RASA1: variants seen among roughly 807,000 people sequenced by gnomAD.
RASA1 encodes the protein RAS p21 protein activator 1.
A neutral mutation model predicts 132.2 loss-of-function variants in RASA1; 25 were observed. The observed-to-expected ratio is 0.19, with a 90% confidence interval of 0.14 to 0.26. The LOEUF (loss-of-function observed/expected upper bound fraction) is 0.26, where lower values mean the gene tolerates loss of function less well. RASA1 is among the 10% of genes least tolerant of loss of function. The pLI, the probability that RASA1 is intolerant of heterozygous loss-of-function variation, is 1.00. For missense variants in RASA1, 964 were observed against 1,299.2 expected (o/e 0.74, Z 3.97); for synonymous variants, 477 against 449.9 (o/e 1.06, Z -0.76).
chr5:87,271,873 G>C (rs968932992), intron 1 of RASA1, among the ~76,000 whole-genome samples: 1 of 152,020 alleles, frequency 6.6e-6, no homozygotes, highest in Non-Finnish European at 1.5e-5. Context: ...ACACGATTGG[G>C]CTGGGGGTGG....
chr5:87,285,618 CTTTTTTTTTT>C (rs548410947), intron 1 of RASA1, among the ~76,000 whole-genome samples: 2 of 126,074 alleles, frequency 1.6e-5, no homozygotes, highest in Non-Finnish European at 3.4e-5. Context: ...TTTTCTTTTT[CTTTTTTTTTT>C]TTTTTTTGAG....
At chr5:87,272,422 T>TTGTC (rs1753887128) in intron 1 of RASA1, among the ~76,000 whole-genome samples, 1 of 152,128 alleles carries the variant, frequency 6.6e-6, no homozygotes, top group African/African-American at 2.4e-5. Context: ...GATTCTGAAG[T>TTGTC]TAGACAAGAT....
At chr5:87,375,546 T>C (rs1352268688) in intron 15 of RASA1, among the ~76,000 whole-genome samples, 4 of 152,120 alleles carry the variant, frequency 2.6e-5, no homozygotes, top group African/African-American at 9.7e-5. Context: ...CATTACCATA[T>C]AAGTAAAAAA....
intron 1 of RASA1, among the ~76,000 whole-genome samples, chr5:87,311,294 T>C (rs1227243494): frequency 6.6e-6 from 1 of 152,164 alleles, no homozygotes; most frequent in Non-Finnish European, 1.5e-5. Flanking sequence ...TCAGGCGATA[T>C]TTAAATTTTC....
chr5:87,336,174 A>G (rs1757959927), intron 4 of RASA1, among the ~76,000 whole-genome samples: 1 of 152,206 alleles, frequency 6.6e-6, no homozygotes, highest in African/African-American at 2.4e-5. Context: ...CAAAATTATA[A>G]AACAGTGATA....
intron 11 of RASA1, 111 bp from the exon 12 acceptor site, chr5:87,369,702 T>C (rs1179886940): frequency 1.3e-6 from 1 of 764,678 alleles, no homozygotes; most frequent in Non-Finnish European, 2.2e-6. Flanking sequence ...ATTATTTCTT[T>C]AAGAATTATA....
At chr5:87,384,461 G>A (rs1761933342) in intron 21 of RASA1, among the ~76,000 whole-genome samples, 1 of 152,048 alleles carries the variant, frequency 6.6e-6, no homozygotes, top group African/African-American at 2.4e-5. Context: ...GCTCAAAATT[G>A]TACTAAAAAT....
chr5:87,363,271 T>C, intron 10 of RASA1, 77 bp from the exon 11 acceptor site: 2 of 1,304,400 alleles, frequency 1.5e-6, no homozygotes, highest in East Asian at 2.4e-5. Flanking sequence ...TTCATATTTT[T>C]AGAAACACTA....
intron 9 of RASA1, among the ~76,000 whole-genome samples, chr5:87,354,135 TG>T (rs1375299321): frequency 3.4e-5 from 5 of 148,992 alleles, no homozygotes; most frequent in African/African-American, 2.5e-5. Flanking sequence ...AGTTAATTGG[TG>T]GGGGGTGGGG....
chr5:87,277,128 G>A (rs1318433766), intron 1 of RASA1, among the ~76,000 whole-genome samples: 1 of 152,032 alleles, frequency 6.6e-6, no homozygotes, highest in Non-Finnish European at 1.5e-5. Flanking sequence ...AGTGAGAATG[G>A]GCATCATCCT....
intron 1 of RASA1, among the ~76,000 whole-genome samples, chr5:87,279,787 A>G (rs1388597378): frequency 6.6e-6 from 1 of 152,266 alleles, no homozygotes; most frequent in Non-Finnish European, 1.5e-5. Flanking sequence ...TCAATAAGAT[A>G]CATGCATATA....
At chr5:87,291,651 T>C (rs959103988) in intron 1 of RASA1, among the ~76,000 whole-genome samples, 7 of 152,184 alleles carry the variant, frequency 4.6e-5, no homozygotes, top group South Asian at 2.1e-4. Context: ...CTTCCTGATA[T>C]TGAGTTTGTT....
intron 1 of RASA1, chr5:87,299,924 A>T (rs986458158): frequency 6.6e-6 from 1 of 152,202 alleles, no homozygotes; most frequent in African/African-American, 2.4e-5. Context: ...ATCAGTATGC[A>T]AGGGAATGGT....
intron 1 of RASA1, among the ~76,000 whole-genome samples, chr5:87,292,734 A>G (rs1177703087): frequency 1.3e-5 from 2 of 152,184 alleles, no homozygotes; most frequent in Non-Finnish European, 2.9e-5. Context: ...CTGTACGTCA[A>G]GTTGGGAAGA....
At chr5:87,282,983 T>C (rs1471232070) in intron 1 of RASA1, among the ~76,000 whole-genome samples, 1 of 152,144 alleles carries the variant, frequency 6.6e-6, no homozygotes, top group Admixed American at 6.5e-5. Context: ...TTGTGTGTGC[T>C]GAAAACACAA....
intron 1 of RASA1, among the ~76,000 whole-genome samples, chr5:87,291,401 C>T (rs557608498): frequency 1.3e-4 from 20 of 152,214 alleles, no homozygotes; most frequent in Admixed American, 5.9e-4. Flanking sequence ...TGGTGGTCAG[C>T]ACACCTGTGG....
chr5:87,372,104 GT>G lies in RASA1; in HGVS notation c.1699-9del. On this transcript the variant is annotated splice_polypyrimidine_tract_variant and intron_variant, in intron 12 of 24. Transcript: ENST00000274376. Reference sequence around the variant, plus strand: ...CTAGTGTATATTTCTTTGAAGTGCTGTTTTTCTTTGCAGGATTGGATGAAAG... The same window carrying G: ...CTAGTGTATATTTCTTTGAAGTGCTGTTTTCTTTGCAGGATTGGATGAAAG... 1 of 1,611,962 alleles carries G rather than the reference GT, an allele frequency of 6.2e-7. No homozygotes were observed. Among genetic ancestry groups the G allele is most frequent in the South Asian group, 1.1e-5 (1 of 90,600 alleles).
chr5:87,324,310 C>A (rs1580263234), intron 1 of RASA1, among the ~76,000 whole-genome samples: 2 of 152,160 alleles, frequency 1.3e-5, no homozygotes, highest in Admixed American at 1.3e-4. Flanking sequence ...TCTCTTTCAA[C>A]ATTTGATCAG....
intron 4 of RASA1, among the ~76,000 whole-genome samples, chr5:87,337,107 C>G (rs1254030056): frequency 6.6e-6 from 1 of 151,942 alleles, no homozygotes; most frequent in African/African-American, 2.4e-5. Context: ...GTTATAGATA[C>G]AGGGTTAATG....
Sources: allele counts gnomAD v4.1 joint callset (sites outside exome capture counted in the v4.1 genomes callset), GRCh38; gene constraint gnomAD v4.1.1; transcripts MANE v1.5; gene names NCBI Gene and HGNC (gene_info 2026-07-23, HGNC 2026-07-21).